Variants in CFB observed in about 807,000 individuals in gnomAD.
CFB encodes B-factor, properdin.
CFB carries 59 observed loss-of-function variants against 97.2 expected under a neutral mutation model. That is an observed-to-expected ratio of 0.61 (90% CI 0.49 to 0.75). CFB has a LOEUF of 0.75. CFB is among the 30% of genes least tolerant of loss of function. The pLI, the probability that CFB is intolerant of heterozygous loss-of-function variation, is 0.00. For missense variants in CFB, 771 were observed against 959.8 expected (o/e 0.80, Z 2.60); for synonymous variants, 316 against 351.7 (o/e 0.90, Z 1.14).
At chr6:31,948,199 T>C (rs1771556409) in intron 6 of CFB, 118 bp downstream of exon 6, 1 of 1,504,430 alleles carries the variant, frequency 6.6e-7, no homozygotes, top group Non-Finnish European at 9.1e-7. Flanking sequence ...CTCCAGGTCC[T>C]ATTCTGTCCT....
rs1268892835 is a variant in CFB at position 31,949,488 on chromosome 6, G to T, written c.1339G>T (p.Asp447Tyr). 9 of 1,613,898 alleles carry T rather than the reference G, an allele frequency of 5.6e-6. No homozygotes were observed. The highest frequency in any genetic ancestry group is 7.6e-6 in the Non-Finnish European group (9 of 1,180,056). The change falls in exon 10 of 18, where the codon GAC becomes TAC. Residue 447 changes from aspartate (D) to tyrosine (Y), a missense_variant. Asp to Tyr is a radical substitution (Grantham distance 160). Transcript: ENST00000425368. ...VNINALASKKDNEQHVFKVKD... is the reference protein window; with the variant it reads ...VNINALASKKYNEQHVFKVKD... ...CATCAATGCTTTGGCTTCCAAGAAAGACAATGAGCAACATGTGTTCAAAGT... is the reference window on the plus strand; with the variant it reads ...CATCAATGCTTTGGCTTCCAAGAAATACAATGAGCAACATGTGTTCAAAGT...
At position 31,946,285 on chromosome 6, in the gene CFB, G is replaced by A. The variant is rs1411072076; in HGVS notation, c.64G>A (p.Gly22Ser). 3 of 1,612,982 alleles carry A rather than the reference G, an allele frequency of 1.9e-6. No homozygotes were observed. The highest frequency in any genetic ancestry group is 1.7e-6 in the Non-Finnish European group (2 of 1,180,044). Reference protein sequence around the residue: ...MPFILGLLSGGVTTTPWSLAR... With the variant: ...MPFILGLLSGSVTTTPWSLAR... ...CTTTATCTTGGGCCTCTTGTCTGGA[G>A]GTAAGCGAGGGTAACCTTCCCTTCC... The change falls in exon 1 of 18, where the codon GGT (glycine) becomes AGT (serine). Residue 22 changes from glycine (G) to serine (S), a missense_variant and splice_region_variant. Coordinates refer to ENST00000425368, the MANE Select transcript of CFB (RefSeq NM_001710.6). This position sits in a 1 kb window ranked among gnomAD's most constrained non-coding sequence, Gnocchi z 6.4.
At position 31,950,384 on chromosome 6, in the gene CFB, CTCAA is replaced by C; in HGVS notation, c.1610_1613del (p.Ile537ArgfsTer4). 1 of 1,612,954 alleles carries C rather than the reference CTCAA, an allele frequency of 6.2e-7. No homozygotes were observed. Among genetic ancestry groups the C allele is most frequent in the Non-Finnish European group, 8.5e-7 (1 of 1,180,000 alleles). ...GTTTCACTGTGGATGACAAGGAACA[CTCAA>C]TCAAGGTCAGCGTAGGTAAGGATGC... On this transcript the variant is annotated frameshift_variant, in exon 12 of 18. Transcript: ENST00000425368. LOFTEE classifies it high-confidence loss of function.
At chr6:31,948,587 C>T in intron 7 of CFB, 75 bp downstream of exon 7, 1 of 1,600,600 alleles carries the variant, frequency 6.2e-7, no homozygotes, top group Non-Finnish European at 8.5e-7. Context: ...ATGAGACTAC[C>T]TTGAGGGCGA....
Position 31,951,001 on chromosome 6 carries a change from G to A in CFB, c.1855+57G>A. ...AGATCCCAAGAGACAAGTGGGGCATGAGAGGGAGGTGCAATAGGAAGAGAT... is the reference window on the plus strand; with the variant it reads ...AGATCCCAAGAGACAAGTGGGGCATAAGAGGGAGGTGCAATAGGAAGAGAT... On this transcript the variant is annotated intron_variant, in intron 14 of 17. Coordinates refer to ENST00000425368, the MANE Select transcript of CFB (RefSeq NM_001710.6). The surrounding 1 kb of genome is among the most constrained non-coding windows in gnomAD (Gnocchi z 4.3). 6.3e-7 allele frequency: 1 copy of A among 1,595,330 alleles called. No homozygotes were observed. The highest frequency in any genetic ancestry group is 1.1e-5 in the South Asian group (1 of 90,642).
At position 31,952,032 on chromosome 6, in the gene CFB, G is replaced by C. The variant is rs1771804370; in HGVS notation, c.*2G>C. On this transcript the variant is annotated 3_prime_UTR_variant, in exon 18 of 18. Coordinates refer to ENST00000425368, the MANE Select transcript of CFB (RefSeq NM_001710.6). ...GATGAGGATTTGGGTTTTCTATAAG[G>C]GGTTTCCTGCTGGACAGGGGCGTGG... is the stretch of plus-strand genomic sequence containing the variant. 3.1e-6 allele frequency: 5 copies of C among 1,612,588 alleles called. No homozygotes were observed. Among genetic ancestry groups the C allele is most frequent in the Non-Finnish European group, 4.2e-6 (5 of 1,180,042 alleles).
chr6:31,951,521 G>A lies in CFB; in HGVS notation c.2090-34G>A. ...TGCTACAAGTGCCCAAGGCCCAACAGTCCTTTTCTCTACAGCTTCTCCTCT... is the reference window on the plus strand; with the variant it reads ...TGCTACAAGTGCCCAAGGCCCAACAATCCTTTTCTCTACAGCTTCTCCTCT... On this transcript the variant is annotated intron_variant, in intron 16 of 17. Coordinates refer to ENST00000425368, the MANE Select transcript of CFB (RefSeq NM_001710.6). The surrounding 1 kb of genome is among the most constrained non-coding windows in gnomAD (Gnocchi z 4.3). 4 of 1,614,224 alleles carry A rather than the reference G, an allele frequency of 2.5e-6. No individual in the cohort carries two copies. Among genetic ancestry groups the A allele is most frequent in the Non-Finnish European group, 3.4e-6 (4 of 1,180,048 alleles).
chr6:31,952,043 T>A lies in CFB; in HGVS notation c.*13T>A. Reference sequence around the variant, plus strand: ...GGGTTTTCTATAAGGGGTTTCCTGCTGGACAGGGGCGTGGGATTGAATTAA... The same window carrying A: ...GGGTTTTCTATAAGGGGTTTCCTGCAGGACAGGGGCGTGGGATTGAATTAA... On this transcript the variant is annotated 3_prime_UTR_variant, in exon 18 of 18. Transcript: ENST00000425368. The A allele has an allele frequency of 6.2e-7, 1 of 1,612,488 alleles. No homozygotes were observed. The highest frequency in any genetic ancestry group is 8.5e-7 in the Non-Finnish European group (1 of 1,180,022).
At position 31,948,089 on chromosome 6, in the gene CFB, C is replaced by T. The variant is rs1371071776; in HGVS notation, c.897+8C>T. ...GTCAACTTAATTGAGAAGGTGGAAT[C>T]CTCCTATCCCTGAACTCGGGGGAAT... On this transcript the variant is annotated splice_region_variant and intron_variant, in intron 6 of 17. Transcript: ENST00000425368. 6.2e-7 allele frequency: 1 copy of T among 1,613,952 alleles called. No homozygotes were observed. Among genetic ancestry groups the T allele is most frequent in the Non-Finnish European group, 8.5e-7 (1 of 1,180,000 alleles).
At position 31,951,650 on chromosome 6, in the gene CFB, T is replaced by A. The variant is rs1217858797; in HGVS notation, c.2139+46T>A. On this transcript the variant is annotated intron_variant, in intron 17 of 17. Transcript: ENST00000425368. This position sits in a 1 kb window ranked among gnomAD's most constrained non-coding sequence, Gnocchi z 4.3. ...CTGGGGAGATGCCAAGTGGTCAGCA[T>A]GGGCCCCAAAGCAGGAAAGCTCAAT... 2 of 1,613,018 alleles carry A rather than the reference T, an allele frequency of 1.2e-6. No individual in the cohort carries two copies.
chr6:31,947,537 T>A lies in CFB; in HGVS notation c.658+16T>A, dbSNP rs1467719336. 6.2e-7 allele frequency: 1 copy of A among 1,612,420 alleles called. No individual in the cohort carries two copies. Among genetic ancestry groups the A allele is most frequent in the Non-Finnish European group, 8.5e-7 (1 of 1,179,726 alleles). On this transcript the variant is annotated intron_variant, in intron 4 of 17. Transcript: ENST00000425368. This position sits in a 1 kb window ranked among gnomAD's most constrained non-coding sequence, Gnocchi z 5.3. ...TCCTGCCAAGGTGACCTTTGACCTG[T>A]ACCCCCAGGTCAGATCCTGGTCTTC...
intron 10 of CFB, 82 bp from the exon 11 acceptor site, chr6:31,949,968 C>T: frequency 4.5e-6 from 6 of 1,343,656 alleles, no homozygotes; most frequent in Non-Finnish European, 6.4e-6. Flanking sequence ...GCCTTTGCTC[C>T]CCATAGACTC....
Sources: gnomAD v4.1 joint callset for allele counts on GRCh38, gnomAD v4.1.1 for gene constraint, Gnocchi (gnomAD v3.1) non-coding constraint, MANE v1.5 for transcripts, NCBI Gene and HGNC (gene_info 2026-07-23, HGNC 2026-07-21) for gene names.